The following MTPAP variants were observed in gnomAD, a reference collection of about 807,000 sequenced individuals.
The protein encoded by MTPAP is poly(A) RNA polymerase, mitochondrial.
MTPAP carries 23 observed loss-of-function variants against 48.7 expected under a neutral mutation model. The ratio of observed to expected loss-of-function variants is 0.47; its 90% CI spans 0.34 to 0.67. The LOEUF is 0.67. Ranked by LOEUF, MTPAP falls within the 30% of genes least tolerant of loss-of-function variation. The probability of loss-of-function intolerance (pLI) is 0.01; values close to 1 mark genes in which losing one functional copy is unlikely to be tolerated. For synonymous variants in MTPAP, 257 were observed against 254.1 expected, an observed-to-expected ratio of 1.01 and a Z score of -0.11; for missense variants, 614 against 694.3, an observed-to-expected ratio of 0.88 and a Z score of 1.30.
At position 30,312,734 on chromosome 10, in the gene MTPAP, T is replaced by C. The variant is rs897672205; in HGVS notation, c.*875A>G. 1.3e-5 allele frequency: 2 copies of C among 152,150 alleles called. No homozygotes were observed. Among genetic ancestry groups the C allele is most frequent in the Non-Finnish European group, 2.9e-5 (2 of 68,030 alleles). 9.4% of individuals were successfully genotyped at this position (152,150 alleles called of 1,614,324 possible). ...GTACGTGGATGGTCCTGGAACCAAT[T>C]TTCTGCATATACTGAGAGACAAATA... On this transcript the variant is annotated 3_prime_UTR_variant, in exon 9 of 9. Coordinates refer to ENST00000263063, the MANE Select transcript of MTPAP (RefSeq NM_018109.4).
chr10:30,311,340 TAA>T lies in MTPAP; in HGVS notation c.*2267_*2268del, dbSNP rs1242896627. 1 of 152,152 alleles carries T rather than the reference TAA, an allele frequency of 6.6e-6. No homozygotes were observed. The highest frequency in any genetic ancestry group is 1.9e-4 in the East Asian group (1 of 5,196). 9.4% of individuals were successfully genotyped at this position (152,152 alleles called of 1,614,324 possible). A position where few individuals can be genotyped will look rare whatever the true frequency, so the allele number is the denominator to read the frequency against. ...TGCTTCATAACAATGCTGAGTTTCT[TAA>T]AATATCCCATGCAGAACCCATTATA... On this transcript the variant is annotated 3_prime_UTR_variant, in exon 9 of 9. Coordinates refer to ENST00000263063, the MANE Select transcript of MTPAP (RefSeq NM_018109.4).
intron 4 of MTPAP, among the ~76,000 whole-genome samples, chr10:30,332,788 T>C (rs1304114127): frequency 6.6e-6 from 1 of 151,768 alleles, no homozygotes; most frequent in Admixed American, 6.6e-5. Flanking sequence ...TTCGAGACTA[T>C]CCTGGGTACC....
rs61386643 is a variant in MTPAP, at chr10:30,312,569, CAAAAAAAAAAAAAAA to C, written c.*1025_*1039del. 1.2e-5 allele frequency: 1 copy of C among 85,668 alleles called. No individual in the cohort carries two copies. The highest frequency in any genetic ancestry group is 2.4e-5 in the Non-Finnish European group (1 of 40,892). The allele number at this position is 85,668 out of a possible 1,614,324, so 5.3% of individuals were successfully genotyped here. On this transcript the variant is annotated 3_prime_UTR_variant, in exon 9 of 9. Transcript: ENST00000263063. The stretch of plus-strand genomic sequence containing the variant: ...TGGGCGACAGAGCGAGACTCTGTCT[CAAAAAAAAAAAAAAA>C]AAAAAAAGAAAGAAAGAAAATACAG...
chr10:30,349,197 C>A lies in MTPAP; in HGVS notation c.79G>T (p.Val27Phe). Residue 27 changes from valine (V) to phenylalanine (F), a missense_variant, in exon 1 of 9, where the codon GTC becomes TTC. By Grantham distance (50) the Val-to-Phe change is conservative (BLOSUM62 -1). Around this residue, in one of 5 missense-constraint regions of MTPAP, gnomAD observed 125 missense variants for 111.5 expected, o/e 1.12. Coordinates refer to ENST00000263063, the MANE Select transcript of MTPAP (RefSeq NM_018109.4). ...RRRTRVQRPI[V>F]RLLSCPGTVA... ...GTTCCTGGGCAACTCAAAAGCCTGA[C>A]GATAGGCCGCTGGACTCGAGTTCTT... is the stretch of plus-strand genomic sequence containing the variant. The A allele has an allele frequency of 6.2e-7, 1 of 1,605,678 alleles. No individual in the cohort carries two copies. The highest frequency in any genetic ancestry group is 1.4e-5 in the African/African-American group (1 of 73,958).
rs1840739835 is a variant in MTPAP, at chr10:30,322,744, G to A, written c.993-127C>T. 5 of 698,128 alleles carry A rather than the reference G, an allele frequency of 7.2e-6. No individual in the cohort carries two copies. In the South Asian group the frequency reaches 8.4e-5, roughly 12 times the overall value. The allele number at this position is 698,128 out of a possible 1,614,324, so 43.2% of individuals were successfully genotyped here. A position where few individuals can be genotyped will look rare whatever the true frequency, so the allele number is the denominator to read the frequency against. ...TCTGAATGTATTCAGAACATCATTA[G>A]GTAATCAAAAGCATTATGAATTTGC... is the stretch of plus-strand genomic sequence containing the variant. On this transcript the variant is annotated intron_variant, in intron 5 of 8. Transcript: ENST00000263063.
Position 30,340,242 on chromosome 10 carries a change from A to G in MTPAP, c.539T>C (p.Leu180Pro). ...AAAACTTACACTTTCTGCATAACAA[A>G]GTAATTCAAAAAGCTGCTTGTTTGA... ...PRSNKQLFELLCYAESIDDQL... is the reference protein window; with the variant it reads ...PRSNKQLFELPCYAESIDDQL... The change falls in exon 3 of 9, where the codon CTT (leucine) becomes CCT (proline). Residue 180 changes from leucine to proline, a missense_variant. Transcript: ENST00000263063. The G allele has an allele frequency of 6.2e-7, 1 of 1,613,586 alleles. No individual in the cohort carries two copies.
In MTPAP at chr10:30,312,258, A is replaced by AT. The variant is rs1372088244; in HGVS notation, c.*1350dup. The AT allele has an allele frequency of 3.3e-5, 5 of 151,994 alleles. No individual in the cohort carries two copies. The highest frequency in any genetic ancestry group is 6.6e-5 in the Admixed American group (1 of 15,246). The allele number at this position is 151,994 out of a possible 1,614,324, so 9.4% of individuals were successfully genotyped here. On this transcript the variant is annotated 3_prime_UTR_variant, in exon 9 of 9. Coordinates refer to ENST00000263063, the MANE Select transcript of MTPAP (RefSeq NM_018109.4). ...AACTGCGAAGTCCATTTACACACAG[A>AT]TTTTTTCCAACCAAACTTGGATTGA...
At chr10:30,324,063 C>T (rs1415219608) in intron 5 of MTPAP, among the ~76,000 whole-genome samples, 1 of 152,060 alleles carries the variant, frequency 6.6e-6, no homozygotes, top group East Asian at 1.9e-4. Flanking sequence ...CACCTGTAGG[C>T]CCAGCTACTT....
chr10:30,331,346 T>G (rs542970966), intron 4 of MTPAP, among the ~76,000 whole-genome samples: 1 of 152,294 alleles, frequency 6.6e-6, no homozygotes, highest in African/African-American at 2.4e-5. Flanking sequence ...CAGAAAGCAG[T>G]ACTCAAGACT....
intron 1 of MTPAP, chr10:30,348,874 C>T (rs1397699206): frequency 1.6e-5 from 9 of 567,344 alleles, no homozygotes; most frequent in Non-Finnish European, 2.5e-5. Flanking sequence ...TCATGGAAGT[C>T]TAAACAACTC....
rs1178857212 is a variant in MTPAP at position 30,336,992 on chromosome 10, G to A, written c.591C>T (p.Phe197=). 2 of 1,613,458 alleles carry A rather than the reference G, an allele frequency of 1.2e-6. No individual in the cohort carries two copies. The highest frequency in any genetic ancestry group is 2.2e-5 in the South Asian group (2 of 91,034). The change falls in exon 4 of 9, where the codon TTC becomes TTT. Residue 197 remains phenylalanine (F), a synonymous_variant. Coordinates refer to ENST00000263063, the MANE Select transcript of MTPAP (RefSeq NM_018109.4). ...GCTTAGTGTTCTCCTCTGTTAGCTGGAACTCCTTCAAGAGAGTGTTCAGCT... is the reference window on the plus strand; with the variant it reads ...GCTTAGTGTTCTCCTCTGTTAGCTGAAACTCCTTCAAGAGAGTGTTCAGCT... ...DDQLNTLLKE[F]QLTEENTKLR...
chr10:30,343,985 T>C (rs192451798), intron 1 of MTPAP, among the ~76,000 whole-genome samples: 654 of 152,346 alleles, frequency 4.3e-3, no homozygotes, highest in Non-Finnish European at 6.9e-3. Flanking sequence ...CTAGTCTCAT[T>C]CACCCTAGTT....
chr10:30,332,069 A>C (rs1834674698), intron 4 of MTPAP, among the ~76,000 whole-genome samples: 1 of 152,258 alleles, frequency 6.6e-6, no homozygotes, highest in South Asian at 2.1e-4. Context: ...ACAAAAGGTA[A>C]GAGAAGAGCT....
chr10:30,326,672 G>GT (rs1474361047), intron 4 of MTPAP, 37 bp from the exon 5 acceptor site: 2 of 1,542,712 alleles, frequency 1.3e-6, no homozygotes, highest in Admixed American at 1.7e-5. Context: ...GGAGCTTTTG[G>GT]TAAAAAAAAC....
chr10:30,340,516 C>T, intron 2 of MTPAP, 66 bp from the exon 3 acceptor site: 1 of 1,103,668 alleles, frequency 9.1e-7, no homozygotes, highest in Non-Finnish European at 1.4e-6. Context: ...TATTTTAGCT[C>T]ATATATTAAA....
chr10:30,331,948 T>C (rs1284910162), intron 4 of MTPAP, among the ~76,000 whole-genome samples: 3 of 152,108 alleles, frequency 2.0e-5, no homozygotes, highest in African/African-American at 4.8e-5. Flanking sequence ...CCATAAGACA[T>C]GCAAAAAAGT....
Position 30,313,714 on chromosome 10 carries a change from C to T in MTPAP, c.1644G>A (p.Lys548=), listed in dbSNP as rs1228801914. ...AGTTTTTGACTGTTTCAATTGCAAA[C>T]TTATTGCTTTTCTTCTTGGTAAAGG... ...RKSFTKKKSN[K]FAIETVKNLL... is the part of the protein sequence containing the mutation. The change falls in exon 9 of 9, where the codon AAG becomes AAA. Residue 548 remains lysine (K), a synonymous_variant. Transcript: ENST00000263063. The T allele has an allele frequency of 6.2e-7, 1 of 1,614,196 alleles. No homozygotes were observed. Among genetic ancestry groups the T allele is most frequent in the Non-Finnish European group, 8.5e-7 (1 of 1,180,018 alleles).
rs1179155951 is a variant in MTPAP at position 30,311,272 on chromosome 10, A to G, written c.*2337T>C. On this transcript the variant is annotated 3_prime_UTR_variant, in exon 9 of 9. Transcript: ENST00000263063. Reference sequence around the variant, plus strand: ...GAACACTGATATTTGTTGGTGTCAAATGTGCAATCCAATAGCACAGACACA... The same window carrying G: ...GAACACTGATATTTGTTGGTGTCAAGTGTGCAATCCAATAGCACAGACACA... 1 of 152,198 alleles carries G rather than the reference A, an allele frequency of 6.6e-6. No homozygotes were observed. Among genetic ancestry groups the G allele is most frequent in the African/African-American group, 2.4e-5 (1 of 41,452 alleles). 9.4% of individuals were successfully genotyped at this position (152,198 alleles called of 1,614,324 possible).
At chr10:30,323,127 T>C (rs1227865018) in intron 5 of MTPAP, among the ~76,000 whole-genome samples, 3 of 14,580 alleles carry the variant, frequency 2.1e-4, no homozygotes, top group African/African-American at 2.9e-4. Context: ...AGACTCCGTT[T>C]CAAAAAAAAA....
Sources: gnomAD v4.1 joint callset for allele counts (sites outside exome capture counted in the v4.1 genomes callset) on GRCh38, gnomAD v4.1.1 for gene constraint, gnomAD v4.1.1 regional missense constraint, MANE v1.5 for transcripts, NCBI Gene and HGNC (gene_info 2026-07-23, HGNC 2026-07-21) for gene names.